Variants in CKAP5 observed in about 807,000 individuals in gnomAD.
CKAP5 encodes the protein cytoskeleton associated protein 5, also known as cytoskeleton-associated protein 5.
A neutral mutation model predicts 232.8 loss-of-function variants in CKAP5; 27 were observed. The observed-to-expected ratio is 0.12, with a 90% CI of 0.09 to 0.16. The LOEUF is 0.16. Among genes scored for constraint, CKAP5 ranks in the 10% least tolerant of loss-of-function variants. The pLI is 1.00. For synonymous variants in CKAP5, 785 were observed against 841.1 expected (o/e 0.93, Z 1.16); for missense variants, 1,838 against 2,424.7 (o/e 0.76, Z 5.08).
intron 1 of CKAP5, among the ~76,000 whole-genome samples, chr11:46,825,230 TAAC>T (rs1242919021): frequency 6.6e-6 from 1 of 152,152 alleles, no homozygotes; most frequent in Non-Finnish European, 1.5e-5. Flanking sequence ...TTCAAATAAA[TAAC>T]AAATTTCCTA....
At position 46,821,060 on chromosome 11, in the gene CKAP5, G is replaced by GCAT. The variant is rs1338761132; in HGVS notation, c.57+112_57+114dup. The GCAT allele has an allele frequency of 6.6e-6, 4 of 604,136 alleles. No individual in the cohort carries two copies. In the African/African-American group the frequency reaches 7.7e-5, roughly 12 times the overall value. 37.4% of individuals were successfully genotyped at this position (604,136 alleles called of 1,614,324 possible). A position where few individuals can be genotyped will look rare whatever the true frequency, so the allele number is the denominator to read the frequency against. ...GAGAAAAAATAACATATCTAACAAG[G>GCAT]CATCAGTATTTTTGAAACTGCCAAT... On this transcript the variant is annotated intron_variant, in intron 2 of 43. Coordinates refer to ENST00000529230, the MANE Select transcript of CKAP5 (RefSeq NM_001008938.4).
intron 4 of CKAP5, among the ~76,000 whole-genome samples, chr11:46,815,370 GA>G (rs1257920241): frequency 5.9e-5 from 9 of 152,050 alleles, no homozygotes; most frequent in African/African-American, 2.2e-4. Flanking sequence ...TTTTTAAAGA[GA>G]CAGGGTCTTG....
chr11:46,831,734 G>A, intron 1 of CKAP5, among the ~76,000 whole-genome samples: 1 of 151,814 alleles, frequency 6.6e-6, no homozygotes, highest in Non-Finnish European at 1.5e-5. Context: ...GTCTCACTAT[G>A]TGGCCCAGGC....
At chr11:46,793,876 G>C (rs868667423) in intron 13 of CKAP5, among the ~76,000 whole-genome samples, 1 of 151,958 alleles carries the variant, frequency 6.6e-6, no homozygotes, top group African/African-American at 2.4e-5. Context: ...GCAGTGAGCC[G>C]AGATTGTGCC....
chr11:46,787,874 C>T (rs2065409493), intron 16 of CKAP5, among the ~76,000 whole-genome samples: 1 of 152,142 alleles, frequency 6.6e-6, no homozygotes, highest in African/African-American at 2.4e-5. Flanking sequence ...CTCTGCCACT[C>T]CTGAAACAGC....
chr11:46,809,928 CATACTT>C, intron 5 of CKAP5, 54 bp from the exon 6 acceptor site: 1 of 1,505,970 alleles, frequency 6.6e-7, no homozygotes. Flanking sequence ...CATTAGTTAA[CATACTT>C]AATACTTACA....
intron 16 of CKAP5, among the ~76,000 whole-genome samples, chr11:46,788,010 T>A (rs938513830): frequency 3.9e-5 from 6 of 152,228 alleles, no homozygotes; most frequent in African/African-American, 1.4e-4. Context: ...TTCTCTTCCT[T>A]AGGATTTTCT....
chr11:46,797,929 A>G lies in CKAP5; in HGVS notation c.1214T>C (p.Met405Thr). 4 of 1,614,092 alleles carry G rather than the reference A, an allele frequency of 2.5e-6. No homozygotes were observed. Among genetic ancestry groups the G allele is most frequent in the Non-Finnish European group, 3.4e-6 (4 of 1,180,024 alleles). Residue 405 changes from methionine (M) to threonine (T), a missense_variant, in exon 11 of 44, where the codon ATG becomes ACG. Physicochemically the swap from Met to Thr is moderately conservative, Grantham distance 81. Coordinates refer to ENST00000529230, the MANE Select transcript of CKAP5 (RefSeq NM_001008938.4). ...CTTGATGGTTGGATTTTTATTATCC[A>G]TTACTGCTAAAACATCCTCACTGAT... ...QNISEDVLAV[M>T]DNKNPTIKQQ...
intron 26 of CKAP5, among the ~76,000 whole-genome samples, chr11:46,769,454 A>G (rs1195914342): frequency 6.6e-6 from 1 of 152,136 alleles, no homozygotes; most frequent in African/African-American, 2.4e-5. Flanking sequence ...CCAGCACTTT[A>G]GGAGACTGAG....
At chr11:46,771,060 C>A in intron 24 of CKAP5, 78 bp from the exon 25 acceptor site, 2 of 1,261,662 alleles carry the variant, frequency 1.6e-6, no homozygotes, top group South Asian at 2.9e-5. Flanking sequence ...TTACTGATTT[C>A]ATTAGTCTCA....
At chr11:46,826,054 G>A (rs894536078) in intron 1 of CKAP5, among the ~76,000 whole-genome samples, 7 of 152,006 alleles carry the variant, frequency 4.6e-5, no homozygotes, top group African/African-American at 1.7e-4. Flanking sequence ...GCATTACCAG[G>A]CGGCCAGAAA....
chr11:46,787,960 TATG>T (rs1044693567), intron 16 of CKAP5, among the ~76,000 whole-genome samples: 14 of 152,220 alleles, frequency 9.2e-5, no homozygotes, highest in Non-Finnish European at 1.9e-4. Flanking sequence ...TGAAGACCTT[TATG>T]ATGATCCACT....
intron 17 of CKAP5, 48 bp downstream of exon 17, chr11:46,784,440 G>C: frequency 6.9e-7 from 1 of 1,457,428 alleles, no homozygotes; most frequent in Non-Finnish European, 9.4e-7. Flanking sequence ...TAAAGTTTGG[G>C]GGAAAAAATT....
chr11:46,805,260 A>C (rs1939127768), intron 8 of CKAP5, among the ~76,000 whole-genome samples: 1 of 152,108 alleles, frequency 6.6e-6, no homozygotes. Context: ...AATTAAAAAT[A>C]ATAGAAAAAA....
chr11:46,752,949 TGAGA>T (rs1266496435), intron 37 of CKAP5, among the ~76,000 whole-genome samples: 2 of 152,174 alleles, frequency 1.3e-5, no homozygotes, highest in African/African-American at 2.4e-5. Context: ...CATTGGTAGC[TGAGA>T]AAGAATAAAA....
intron 1 of CKAP5, among the ~76,000 whole-genome samples, chr11:46,822,668 G>C (rs1312671410): frequency 6.7e-6 from 1 of 148,218 alleles, no homozygotes; most frequent in Non-Finnish European, 1.5e-5. Context: ...GGAGAATGGC[G>C]TGAACCCGAG....
chr11:46,800,160 ATT>A (rs1434307296), intron 9 of CKAP5, among the ~76,000 whole-genome samples: 1 of 152,202 alleles, frequency 6.6e-6, no homozygotes, highest in Non-Finnish European at 1.5e-5. Flanking sequence ...ATTATATAAT[ATT>A]GATTGCTATA....
Position 46,788,745 on chromosome 11 carries a change from A to C in CKAP5, c.1904T>G (p.Met635Arg). Residue 635 changes from methionine to arginine, a missense_variant, in exon 16 of 44, where the codon ATG becomes AGG. Met to Arg is a moderately conservative substitution (Grantham distance 91). Around this residue, in one of 6 missense-constraint regions of CKAP5, gnomAD observed 767 missense variants for 954.6 expected, o/e 0.80. Coordinates refer to ENST00000529230, the MANE Select transcript of CKAP5 (RefSeq NM_001008938.4). Reference protein sequence around the residue: ...KAVELMDRTEMPCQALVRMLA... With the variant: ...KAVELMDRTERPCQALVRMLA... ...CATCCTCACTAATGCCTGGCATGGC[A>C]TTTCAGTTCGGTCCATTAGCTCAAC... The C allele has an allele frequency of 6.2e-7, 1 of 1,608,860 alleles. No individual in the cohort carries two copies. The highest frequency in any genetic ancestry group is 8.5e-7 in the Non-Finnish European group (1 of 1,178,376).
At chr11:46,814,669 T>C (rs982760175) in intron 4 of CKAP5, among the ~76,000 whole-genome samples, 1 of 152,192 alleles carries the variant, frequency 6.6e-6, no homozygotes, top group Non-Finnish European at 1.5e-5. Flanking sequence ...CTAATTCAGA[T>C]TTCCATAGCA....
Sources: allele counts gnomAD v4.1 joint callset (sites outside exome capture counted in the v4.1 genomes callset), GRCh38; gene constraint gnomAD v4.1.1; regional missense constraint gnomAD v4.1.1; transcripts MANE v1.5; gene names NCBI Gene and HGNC (gene_info 2026-07-23, HGNC 2026-07-21).